Variants in TCF20 observed in about 807,000 individuals in gnomAD.
TCF20 encodes SPRE-binding protein.
A neutral mutation model predicts 148.6 loss-of-function variants in TCF20; 3 were observed. That is an observed-to-expected ratio of 0.02 (90% CI 0.01 to 0.05). The LOEUF (loss-of-function observed/expected upper bound fraction) is 0.05, where lower values mean the gene tolerates loss of function less well. TCF20 is among the 10% of genes least tolerant of loss of function. The probability of loss-of-function intolerance (pLI) is 1.00; values close to 1 mark genes in which losing one functional copy is unlikely to be tolerated. For missense variants in TCF20, 2,350 were observed against 2,429.3 expected (o/e 0.97, Z 0.69); for synonymous variants, 1,049 against 909.5 (o/e 1.15, Z -2.76).
At chr22:42,184,408 A>G (rs1055793292) in intron 2 of TCF20, among the ~76,000 whole-genome samples, 1 of 152,182 alleles carries the variant, frequency 6.6e-6, no homozygotes, top group African/African-American at 2.4e-5. Flanking sequence ...GATAGAATAT[A>G]AATACTTATC....
intron 1 of TCF20, among the ~76,000 whole-genome samples, chr22:42,221,407 A>G (rs1359660556): frequency 6.6e-6 from 1 of 152,098 alleles, no homozygotes; most frequent in Non-Finnish European, 1.5e-5. Context: ...ACACTCCTTA[A>G]ATTACCCAGT....
intron 1 of TCF20, among the ~76,000 whole-genome samples, chr22:42,236,706 T>C (rs778736616): frequency 1.3e-5 from 2 of 152,190 alleles, no homozygotes; most frequent in East Asian, 1.9e-4. Context: ...AAACATTCTA[T>C]GAAAAATCAG....
chr22:42,213,680 G>A lies in TCF20; in HGVS notation c.1626C>T (p.Thr542=). 6.2e-7 allele frequency: 1 copy of A among 1,613,994 alleles called. No homozygotes were observed. The highest frequency in any genetic ancestry group is 1.7e-4 in the Middle Eastern group (1 of 6,058). ...CACCCTTGTAGGTGGTGTCAGAGCTGGTGCTCTGGCCACTTAGTTGCCGCA... is the reference window on the plus strand; with the variant it reads ...CACCCTTGTAGGTGGTGTCAGAGCTAGTGCTCTGGCCACTTAGTTGCCGCA... The part of the protein sequence containing the change: ...ERVRQLSGQS[T]SSDTTYKGGA... The change falls in exon 2 of 6, where the codon ACC becomes ACT. Residue 542 remains threonine, a synonymous_variant. Transcript: ENST00000677622.
chr22:42,165,760 T>C (rs781347572), intron 5 of TCF20, among the ~76,000 whole-genome samples: 88 of 152,372 alleles, frequency 5.8e-4, no homozygotes, highest in Non-Finnish European at 1.3e-4. Context: ...GCCAGTGTGC[T>C]GTGCTGGCAC....
chr22:42,276,085 A>T (rs1926772405), intron 1 of TCF20, among the ~76,000 whole-genome samples: 1 of 152,196 alleles, frequency 6.6e-6, no homozygotes, highest in Non-Finnish European at 1.5e-5. Flanking sequence ...CAAGACTTTT[A>T]GCCACATCAT....
At chr22:42,261,569 G>A (rs1926029754) in intron 1 of TCF20, among the ~76,000 whole-genome samples, 1 of 151,308 alleles carries the variant, frequency 6.6e-6, no homozygotes, top group Non-Finnish European at 1.5e-5. Context: ...TTTTTTTTGA[G>A]ACCTTTGTGG....
intron 1 of TCF20, among the ~76,000 whole-genome samples, chr22:42,241,686 G>A (rs770966349): frequency 2.1e-4 from 32 of 152,090 alleles, no homozygotes; most frequent in Non-Finnish European, 2.6e-4. Context: ...AATTGGCCAG[G>A]TGTAGGGGCA....
At chr22:42,182,217 A>G (rs1029349907) in intron 2 of TCF20, among the ~76,000 whole-genome samples, 1 of 152,216 alleles carries the variant, frequency 6.6e-6, no homozygotes, top group African/African-American at 2.4e-5. Flanking sequence ...AAGTGGCTCC[A>G]CTTTCTAGCT....
intron 1 of TCF20, among the ~76,000 whole-genome samples, chr22:42,302,553 A>T (rs1308952882): frequency 6.6e-6 from 1 of 152,218 alleles, no homozygotes; most frequent in African/African-American, 2.4e-5. Flanking sequence ...CAAGGTCACC[A>T]GCCAGTGGAA....
upstream of TCF20, among the ~76,000 whole-genome samples, chr22:42,288,819 G>C (rs1927082054): frequency 6.6e-6 from 1 of 151,022 alleles, no homozygotes; most frequent in African/African-American, 2.4e-5. Flanking sequence ...GCACAACGTT[G>C]CCATTCTACA....
At chr22:42,188,442 A>G (rs558083721) in intron 2 of TCF20, among the ~76,000 whole-genome samples, 10 of 152,264 alleles carry the variant, frequency 6.6e-5, no homozygotes, top group Admixed American at 6.5e-4. Flanking sequence ...ATAAAGTGTA[A>G]GTTATTCTAC....
At chr22:42,226,909 T>C (rs5996132) in intron 1 of TCF20, among the ~76,000 whole-genome samples, 11,200 of 152,252 alleles carry the variant, frequency 0.074, 1,350 homozygotes, top group African/African-American at 0.25. Context: ...AGGGCTAGTA[T>C]TGTAAAGACG....
intron 1 of TCF20, among the ~76,000 whole-genome samples, chr22:42,226,700 T>A (rs941692447): frequency 2.6e-5 from 4 of 152,118 alleles, no homozygotes; most frequent in Admixed American, 6.6e-5. Context: ...CAGAGTGAGA[T>A]TCTGTCTCTT....
intron 1 of TCF20, among the ~76,000 whole-genome samples, chr22:42,244,256 T>C (rs1924717947): frequency 1.3e-5 from 2 of 152,132 alleles, no homozygotes; most frequent in South Asian, 4.1e-4. Flanking sequence ...AATACAGAAT[T>C]ACACGATCCA....
At chr22:42,272,333 TAGG>T (rs1160131569), upstream of TCF20, among the ~76,000 whole-genome samples, 3 of 152,288 alleles carry the variant, frequency 2.0e-5, no homozygotes, top group East Asian at 1.9e-4. Flanking sequence ...TGGACAAAAA[TAGG>T]AGAATGCAGG....
At chr22:42,236,966 G>A (rs771411939) in intron 1 of TCF20, among the ~76,000 whole-genome samples, 26 of 152,126 alleles carry the variant, frequency 1.7e-4, no homozygotes, top group Non-Finnish European at 3.2e-4. Context: ...TTTTGCTGAC[G>A]GAGGGTCTTG....
rs201535666 is a variant in TCF20 at position 42,215,108 on chromosome 22, C to T, written c.198G>A (p.Ala66=). The change falls in exon 2 of 6, where the codon GCG becomes GCA. Residue 66 remains alanine (A), a synonymous_variant. Coordinates refer to ENST00000677622, the MANE Select transcript of TCF20 (RefSeq NM_001378418.1). ...CAGAGGTCTCGCTAGCCATCGCTGC[C>T]GCAGCAGCTGCTGCTCCTCGTCGTC... is the stretch of plus-strand genomic sequence containing the variant. The part of the protein sequence containing the change: ...GGGRRGAAAA[A]AAMASETSGH... The T allele has an allele frequency of 4.0e-5, 65 of 1,614,144 alleles. 1 individual carries two copies. The highest frequency in any genetic ancestry group is 3.1e-4 in the African/African-American group (23 of 75,030).
In TCF20 at chr22:42,299,077, C is replaced by T. The variant is rs1404471775; in HGVS notation, c.-37+44402G>A. On this transcript the variant is annotated intron_variant, in intron 1 of 1. Coordinates refer to the TCF20 transcript ENST00000515426. The surrounding 1 kb of genome is among the most constrained non-coding windows in gnomAD (Gnocchi z 4.1). ...GGGCTCCAAGGGTTCCCACACCCAC[C>T]GCCTGCCCAGACCCCTGCTGTGGAG... is the stretch of plus-strand genomic sequence containing the variant. Among the ~76,000 whole-genome samples, 5 of 152,184 alleles carry T rather than the reference C, an allele frequency of 3.3e-5. No individual in the cohort carries two copies. The highest frequency in any genetic ancestry group is 6.5e-5 in the Admixed American group (1 of 15,282).
At chr22:42,329,455 A>G (rs1177755055) in intron 1 of TCF20, among the ~76,000 whole-genome samples, 2 of 152,224 alleles carry the variant, frequency 1.3e-5, no homozygotes, top group Admixed American at 6.5e-5. Context: ...GAGCAAAGTA[A>G]GGAGGGCGAG....
Sources: allele counts gnomAD v4.1 joint callset (sites outside exome capture counted in the v4.1 genomes callset), GRCh38; gene constraint gnomAD v4.1.1; non-coding constraint Gnocchi (gnomAD v3.1); transcripts MANE v1.5; gene names NCBI Gene and HGNC (gene_info 2026-07-23, HGNC 2026-07-21).